BICC1: variants seen among roughly 807,000 people sequenced by gnomAD.
BICC1 encodes protein bicaudal C homolog 1.
In BICC1, 43 loss-of-function variants were observed where a neutral mutation model predicts 111.0. That is an observed-to-expected ratio of 0.39 (90% CI 0.30 to 0.50). The LOEUF (loss-of-function observed/expected upper bound fraction) is 0.50. Ranked by LOEUF, BICC1 falls within the 20% of genes least tolerant of loss-of-function variation. BICC1 has a pLI of 0.88. For missense variants in BICC1, 1,091 were observed against 1,203.2 expected, an observed-to-expected ratio of 0.91 and a Z score of 1.38; for synonymous variants, 467 against 434.4, an observed-to-expected ratio of 1.07 and a Z score of -0.93.
intron 3 of BICC1, among the ~76,000 whole-genome samples, chr10:58,713,686 T>G (rs769976566): frequency 6.6e-6 from 1 of 152,204 alleles, no homozygotes; most frequent in Non-Finnish European, 1.5e-5. Context: ...ACTAACACAT[T>G]TATTTAAGAA....
intron 3 of BICC1, among the ~76,000 whole-genome samples, chr10:58,770,090 A>G (rs1373828853): frequency 6.6e-6 from 1 of 152,150 alleles, no homozygotes; most frequent in African/African-American, 2.4e-5. Flanking sequence ...TTTAGCAGAT[A>G]TAAGTTCATT....
At position 58,800,228 on chromosome 10, in the gene BICC1, C is replaced by T; in HGVS notation, c.1760C>T (p.Ser587Leu). The T allele has an allele frequency of 6.2e-7, 1 of 1,608,814 alleles. No homozygotes were observed. The highest frequency in any genetic ancestry group is 1.1e-5 in the South Asian group (1 of 90,878). ...ATAAAATATGGTGCAATATCCACTT[C>T]ATCACTTGGAGAAAAAGTGCTGAGT... ...PDIKYGAIST[S>L]SLGEKVLSAN... Residue 587 changes from serine (S) to leucine (L), a missense_variant, in exon 13 of 21, where the codon TCA (serine) becomes TTA (leucine). By Grantham distance (145) the Ser-to-Leu change is moderately radical (BLOSUM62 -2). Transcript: ENST00000373886.
At chr10:58,594,259 C>G (rs1002267321) in intron 1 of BICC1, among the ~76,000 whole-genome samples, 3 of 152,016 alleles carry the variant, frequency 2.0e-5, no homozygotes, top group Non-Finnish European at 4.4e-5. Flanking sequence ...ATTGGTGTAC[C>G]TGAAAGTGAC....
chr10:58,809,568 T>C (rs974289302), intron 17 of BICC1, among the ~76,000 whole-genome samples: 2 of 152,154 alleles, frequency 1.3e-5, no homozygotes, highest in African/African-American at 4.8e-5. Flanking sequence ...GTGGCTATTA[T>C]TATTTCCAGT....
At chr10:58,588,565 G>A (rs1301268581) in intron 1 of BICC1, among the ~76,000 whole-genome samples, 2 of 152,098 alleles carry the variant, frequency 1.3e-5, no homozygotes, top group Admixed American at 6.6e-5. Context: ...AGGGAAGAAA[G>A]GCATTTCTTG....
intron 1 of BICC1, among the ~76,000 whole-genome samples, chr10:58,543,857 C>T (rs1413516145): frequency 6.8e-6 from 1 of 147,354 alleles, no homozygotes; most frequent in Non-Finnish European, 1.5e-5. Context: ...AAAGAAACCA[C>T]CTGTCTGCAT....
chr10:58,700,328 A>T (rs1262175719), intron 2 of BICC1, among the ~76,000 whole-genome samples: 3 of 152,104 alleles, frequency 2.0e-5, no homozygotes, highest in African/African-American at 7.2e-5. Context: ...GAATGCAGGG[A>T]CTCAGAAGGG....
At chr10:58,601,202 T>A (rs867600045) in intron 1 of BICC1, among the ~76,000 whole-genome samples, 5 of 136,248 alleles carry the variant, frequency 3.7e-5, no homozygotes, top group Middle Eastern at 3.7e-3. Context: ...ATAAAAAAAA[T>A]TTAATATAAT....
chr10:58,545,482 A>G (rs1843113058), intron 1 of BICC1, among the ~76,000 whole-genome samples: 1 of 152,118 alleles, frequency 6.6e-6, no homozygotes, highest in South Asian at 2.1e-4. Context: ...AGTTTGTGTA[A>G]TTTGTAGTGA....
At chr10:58,630,207 T>A (rs1015488531) in intron 2 of BICC1, among the ~76,000 whole-genome samples, 2 of 151,756 alleles carry the variant, frequency 1.3e-5, no homozygotes, top group Non-Finnish European at 1.5e-5. Context: ...ATGGGGAGGG[T>A]CATGAGGTAG....
chr10:58,615,439 C>T (rs1845570725), intron 1 of BICC1, among the ~76,000 whole-genome samples: 4 of 152,184 alleles, frequency 2.6e-5, no homozygotes, highest in Non-Finnish European at 5.9e-5. Context: ...AACCACGCCA[C>T]ATGAGGCGCA....
At chr10:58,584,713 C>T (rs776527192) in intron 1 of BICC1, among the ~76,000 whole-genome samples, 4 of 151,650 alleles carry the variant, frequency 2.6e-5, no homozygotes, top group Admixed American at 6.6e-5. Context: ...TTTCCAAAGA[C>T]ATGGGACTTT....
chr10:58,657,097 C>T (rs1838681064), intron 2 of BICC1, among the ~76,000 whole-genome samples: 1 of 152,160 alleles, frequency 6.6e-6, no homozygotes, highest in African/African-American at 2.4e-5. Context: ...GAGCTGCTAG[C>T]TTCTCCTCAC....
chr10:58,557,377 T>G (rs1221580160), intron 1 of BICC1, among the ~76,000 whole-genome samples: 2 of 151,836 alleles, frequency 1.3e-5, no homozygotes, highest in African/African-American at 2.4e-5. Context: ...TGGAGTTCAT[T>G]GAGCTTCTTG....
At chr10:58,656,791 A>G (rs1037038132) in intron 2 of BICC1, among the ~76,000 whole-genome samples, 6 of 152,166 alleles carry the variant, frequency 3.9e-5, no homozygotes, top group African/African-American at 9.7e-5. Context: ...CAATTACTTC[A>G]TGTTTTTACA....
chr10:58,540,683 A>G (rs1842941344), intron 1 of BICC1, among the ~76,000 whole-genome samples: 1 of 152,044 alleles, frequency 6.6e-6, no homozygotes, highest in Admixed American at 6.6e-5. Context: ...AAACAATTAA[A>G]TAAGAATTAA....
At chr10:58,774,675 C>T (rs1290464028) in intron 3 of BICC1, among the ~76,000 whole-genome samples, 1 of 152,096 alleles carries the variant, frequency 6.6e-6, no homozygotes, top group Non-Finnish European at 1.5e-5. Context: ...ATTGATATTT[C>T]CAAATGACTT....
chr10:58,607,178 T>C (rs1845247809), intron 1 of BICC1, among the ~76,000 whole-genome samples: 1 of 151,948 alleles, frequency 6.6e-6, no homozygotes, highest in Non-Finnish European at 1.5e-5. Context: ...TAGCCGAGTG[T>C]GGTGGTGCAT....
intron 3 of BICC1, among the ~76,000 whole-genome samples, chr10:58,721,751 G>T (rs565808285): frequency 6.6e-6 from 1 of 152,238 alleles, no homozygotes; most frequent in East Asian, 1.9e-4. Flanking sequence ...TTTTCAGCAC[G>T]TAAGCAGGGC....
Sources: allele counts gnomAD v4.1 joint callset (sites outside exome capture counted in the v4.1 genomes callset), GRCh38; gene constraint gnomAD v4.1.1; transcripts MANE v1.5; gene names NCBI Gene and HGNC (gene_info 2026-07-23, HGNC 2026-07-21).